XRN2: variants seen among roughly 807,000 people sequenced by gnomAD.
The protein encoded by XRN2 is DHM1-like protein.
A neutral mutation model predicts 138.5 loss-of-function variants in XRN2; 44 were observed. That is an observed-to-expected ratio of 0.32 (90% confidence interval 0.25 to 0.41). The LOEUF (loss-of-function observed/expected upper bound fraction) is 0.41, where lower values mean the gene tolerates loss of function less well. Ranked by LOEUF, XRN2 falls within the 10% of genes least tolerant of loss-of-function variation. The probability of loss-of-function intolerance (pLI) is 1.00; values close to 1 mark genes in which losing one functional copy is unlikely to be tolerated. For missense variants in XRN2, 937 were observed against 1,169.3 expected, an observed-to-expected ratio of 0.80 and a Z score of 2.90; for synonymous variants, 354 against 369.4, an observed-to-expected ratio of 0.96 and a Z score of 0.48.
At position 21,365,664 on chromosome 20, in the gene XRN2, A is replaced by G. The variant is rs924147199; in HGVS notation, c.2416A>G (p.Arg806Gly). 1 of 1,585,134 alleles carries G rather than the reference A, an allele frequency of 6.3e-7. No individual in the cohort carries two copies. Among genetic ancestry groups the G allele is most frequent in the African/African-American group, 1.5e-5 (1 of 66,272 alleles). Residue 806 changes from arginine (R) to glycine (G), a missense_variant, in exon 26 of 30, where the codon AGG becomes GGG. This residue lies in a region of XRN2 where 372 missense variants were observed against 414.4 expected (regional missense o/e 0.90). Transcript: ENST00000377191. ...TCAGCTTGGCTTTAACCGTGACCGG[A>G]GGCCTGTGCACCTGGATCAGGCAGC... ...KPQLGFNRDRRPVHLDQAAFR... is the reference protein window; with the variant it reads ...KPQLGFNRDRGPVHLDQAAFR...
intron 13 of XRN2, among the ~76,000 whole-genome samples, chr20:21,335,347 G>A (rs1320259433): frequency 6.6e-6 from 1 of 152,206 alleles, no homozygotes; most frequent in Non-Finnish European, 1.5e-5. Context: ...AAAGTCATGT[G>A]GCTATTTTAA....
intron 10 of XRN2, 38 bp downstream of exon 10, chr20:21,333,656 C>G (rs1167129673): frequency 2.5e-6 from 4 of 1,613,850 alleles, no homozygotes; most frequent in African/African-American, 1.3e-5. Context: ...CACTCTAAAG[C>G]AGGGTGCCTT....
intron 27 of XRN2, among the ~76,000 whole-genome samples, chr20:21,378,239 A>G (rs770319202): frequency 6.6e-6 from 1 of 152,164 alleles, no homozygotes; most frequent in Admixed American, 6.5e-5. Flanking sequence ...TCGGTTGTAA[A>G]CCTTTAAGAT....
intron 1 of XRN2, among the ~76,000 whole-genome samples, chr20:21,319,812 C>G (rs144268254): frequency 2.1e-4 from 32 of 152,208 alleles, no homozygotes; most frequent in African/African-American, 6.5e-4. Flanking sequence ...ATTTCCTTAG[C>G]CCACTGCAAC....
intron 24 of XRN2, among the ~76,000 whole-genome samples, chr20:21,364,337 A>C (rs1017789831): frequency 2.6e-5 from 4 of 152,156 alleles, no homozygotes; most frequent in African/African-American, 9.7e-5. Context: ...CTTAAGTATA[A>C]ATCTGGTGTA....
intron 1 of XRN2, among the ~76,000 whole-genome samples, chr20:21,319,165 GT>G (rs1214795399): frequency 2.6e-5 from 4 of 151,740 alleles, no homozygotes; most frequent in Non-Finnish European, 5.9e-5. Context: ...TTTTTTATTT[GT>G]TTTAGTCTGT....
At chr20:21,368,719 T>A in intron 27 of XRN2, 129 bp downstream of exon 27, 1 of 1,271,168 alleles carries the variant, frequency 7.9e-7, no homozygotes, top group Non-Finnish European at 1.1e-6. Context: ...AACATGTAAG[T>A]TAGAAGAGTT....
Position 21,340,732 on chromosome 20 carries a change from A to G in XRN2, c.1290A>G (p.Pro430=), listed in dbSNP as rs2038360861. The stretch of plus-strand genomic sequence containing the variant: ...TCCATTTATGTTAGAGAGATCAACC[A>G]GCTTTCACTCCTAGTGGAATATTAA... The part of the protein sequence containing the change: ...EKRKRMKRDQ[P]AFTPSGILTP... Residue 430 remains proline, a synonymous_variant, in exon 15 of 30, where the codon CCA becomes CCG. Coordinates refer to ENST00000377191, the MANE Select transcript of XRN2 (RefSeq NM_012255.5). 6.2e-7 allele frequency: 1 copy of G among 1,613,666 alleles called. No individual in the cohort carries two copies.
At chr20:21,334,553 G>A (rs2038259584) in intron 13 of XRN2, among the ~76,000 whole-genome samples, 1 of 152,196 alleles carries the variant, frequency 6.6e-6, no homozygotes, top group African/African-American at 2.4e-5. Flanking sequence ...AAGAAGAATT[G>A]ACAATGTAGG....
At chr20:21,379,603 T>G (rs570545319) in intron 27 of XRN2, among the ~76,000 whole-genome samples, 32 of 152,278 alleles carry the variant, frequency 2.1e-4, no homozygotes, top group African/African-American at 7.5e-4. Context: ...AGGTGAGAGA[T>G]AGAAAATGGA....
intron 28 of XRN2, 26 bp from the exon 29 acceptor site, chr20:21,386,842 G>T (rs1600724273): frequency 1.9e-6 from 3 of 1,600,506 alleles, no homozygotes; most frequent in Non-Finnish European, 2.6e-6. Flanking sequence ...TGTGGCTTCT[G>T]ATGTAAAACT....
At chr20:21,340,896 C>G (rs367599196) in intron 15 of XRN2, 44 bp downstream of exon 15, 78 of 1,608,340 alleles carry the variant, frequency 4.8e-5, no homozygotes, top group Non-Finnish European at 6.6e-5. Context: ...TGGTGAATAT[C>G]ACATACCTCT....
At chr20:21,380,171 G>A (rs192507552) in intron 27 of XRN2, among the ~76,000 whole-genome samples, 34 of 152,200 alleles carry the variant, frequency 2.2e-4, no homozygotes, top group Middle Eastern at 3.4e-3. Context: ...AAGTAGAGGG[G>A]TCCGGATGAA....
At chr20:21,325,912 A>G (rs922608726) in intron 1 of XRN2, among the ~76,000 whole-genome samples, 6 of 152,168 alleles carry the variant, frequency 3.9e-5, no homozygotes, top group African/African-American at 1.4e-4. Context: ...GGTGGTGGGA[A>G]TGAAAGGAGA....
At chr20:21,358,282 C>T (rs1483210281) in intron 24 of XRN2, among the ~76,000 whole-genome samples, 2 of 152,144 alleles carry the variant, frequency 1.3e-5, no homozygotes, top group Non-Finnish European at 2.9e-5. Context: ...CAATTATAAA[C>T]TTAAAGGGCT....
chr20:21,317,281 CCTTCT>C (rs2037972479), intron 1 of XRN2, among the ~76,000 whole-genome samples: 1 of 143,642 alleles, frequency 7.0e-6, no homozygotes, highest in South Asian at 2.4e-4. Flanking sequence ...TGAGAATTTC[CCTTCT>C]ATTTCTAGAT....
chr20:21,344,513 G>T (rs567940570), intron 16 of XRN2, among the ~76,000 whole-genome samples: 71 of 152,280 alleles, frequency 4.7e-4, no homozygotes, highest in African/African-American at 1.6e-3. Flanking sequence ...CTCTGACTAT[G>T]TGATCTGAAT....
At chr20:21,336,603 C>T (rs2038297688) in intron 13 of XRN2, among the ~76,000 whole-genome samples, 1 of 152,086 alleles carries the variant, frequency 6.6e-6, no homozygotes, top group Non-Finnish European at 1.5e-5. Context: ...TTACCATGTG[C>T]CAGACAGTGT....
At chr20:21,320,202 T>C (rs1259503175) in intron 1 of XRN2, among the ~76,000 whole-genome samples, 1 of 152,122 alleles carries the variant, frequency 6.6e-6, no homozygotes, top group East Asian at 1.9e-4. Flanking sequence ...GGTTCTTTTG[T>C]TGTTGTTTGT....
Sources: allele counts gnomAD v4.1 joint callset (sites outside exome capture counted in the v4.1 genomes callset), GRCh38; gene constraint gnomAD v4.1.1; regional missense constraint gnomAD v4.1.1; transcripts MANE v1.5; gene names NCBI Gene and HGNC (gene_info 2026-07-23, HGNC 2026-07-21).